C3orf18: variants seen among roughly 807,000 people sequenced by gnomAD.
C3orf18 encodes the protein uncharacterized protein C3orf18.
In C3orf18, 12 loss-of-function variants were observed where a neutral mutation model predicts 14.1. That is an observed-to-expected ratio of 0.85 (90% confidence interval 0.55 to 1.38). C3orf18 has a LOEUF of 1.38. Among genes scored for constraint, C3orf18 ranks in the 40% most tolerant of loss-of-function variants. The probability of loss-of-function intolerance (pLI) is 0.00; values close to 1 mark genes in which losing one functional copy is unlikely to be tolerated. For synonymous variants in C3orf18, 82 were observed against 87.9 expected, an observed-to-expected ratio of 0.93 and a Z score of 0.38; for missense variants, 196 against 213.9, an observed-to-expected ratio of 0.92 and a Z score of 0.52.
chr3:50,559,001 TCCCATCCTAGCTTGG>T lies in C3orf18; in HGVS notation c.*641_*655del, dbSNP rs895070324. 9 of 1,289,398 alleles carry T rather than the reference TCCCATCCTAGCTTGG, an allele frequency of 7.0e-6. No individual in the cohort carries two copies. Among genetic ancestry groups the T allele is most frequent in the Non-Finnish European group, 8.1e-6 (8 of 988,722 alleles). The allele number at this position is 1,289,398 out of a possible 1,614,324, so 79.9% of individuals were successfully genotyped here. A position where few individuals can be genotyped will look rare whatever the true frequency, so the allele number is the denominator to read the frequency against. ...TTCCCCTACTTCCTTCCCCCTCAGCTCCCATCCTAGCTTGGCCCCAGTAACATCTGGTTGCCAAGG... is the reference window on the plus strand; with the variant it reads ...TTCCCCTACTTCCTTCCCCCTCAGCTCCCCAGTAACATCTGGTTGCCAAGG... On this transcript the variant is annotated 3_prime_UTR_variant, in exon 6 of 6. Coordinates refer to ENST00000357203, the MANE Select transcript of C3orf18 (RefSeq NM_016210.5).
At chr3:50,568,725 CAAAAA>C (rs66828816), upstream of C3orf18, among the ~76,000 whole-genome samples, 4 of 84,020 alleles carry the variant, frequency 4.8e-5, no homozygotes, top group African/African-American at 9.0e-5. Flanking sequence ...AACTCCGTCT[CAAAAA>C]AAAAAAAAAA....
upstream of C3orf18, among the ~76,000 whole-genome samples, chr3:50,574,456 A>C (rs981845230): frequency 1.3e-5 from 2 of 152,202 alleles, no homozygotes; most frequent in African/African-American, 4.8e-5. Flanking sequence ...ACCCTCCCCA[A>C]GGTGGCCATC....
chr3:50,560,772 G>T, intron 5 of C3orf18, 145 bp downstream of exon 5: 1 of 931,724 alleles, frequency 1.1e-6, no homozygotes, highest in South Asian at 1.9e-5. Context: ...ACCACTTTCT[G>T]AACAAATCTG....
chr3:50,573,506 T>C (rs1034077627), upstream of C3orf18, among the ~76,000 whole-genome samples: 6 of 152,182 alleles, frequency 3.9e-5, no homozygotes, highest in Non-Finnish European at 7.3e-5. Context: ...GGGTTCTGAG[T>C]ATCAAGTGTG....
At position 50,567,604 on chromosome 3, in the gene C3orf18, A is replaced by C. The variant is rs1282918906; in HGVS notation, c.-393T>G. 5 of 152,194 alleles carry C rather than the reference A, an allele frequency of 3.3e-5. No individual in the cohort carries two copies. The highest frequency in any genetic ancestry group is 9.7e-5 in the African/African-American group (4 of 41,436). The allele number at this position is 152,194 out of a possible 1,614,324, so 9.4% of individuals were successfully genotyped here. On this transcript the variant is annotated 5_prime_UTR_variant, in exon 1 of 6. Coordinates refer to ENST00000357203, the MANE Select transcript of C3orf18 (RefSeq NM_016210.5). Reference sequence around the variant, plus strand: ...AGATCCGCCCTCCCTGCAAGCCCCGAGCCGCTGGCCAGGCCCGCTACTGCG... The same window carrying C: ...AGATCCGCCCTCCCTGCAAGCCCCGCGCCGCTGGCCAGGCCCGCTACTGCG...
At chr3:50,563,474 A>C (rs1700109520) in intron 3 of C3orf18, among the ~76,000 whole-genome samples, 1 of 151,106 alleles carries the variant, frequency 6.6e-6, no homozygotes, top group Non-Finnish European at 1.5e-5. Flanking sequence ...AGCCACCCCC[A>C]CACCTTCCTT....
chr3:50,562,126 C>T (rs1700013049), intron 3 of C3orf18, among the ~76,000 whole-genome samples: 1 of 152,206 alleles, frequency 6.6e-6, no homozygotes, highest in Non-Finnish European at 1.5e-5. Context: ...TCTTGAACTC[C>T]TGACCTTGTG....
At chr3:50,562,529 G>A (rs899311496) in intron 3 of C3orf18, 2 of 454,966 alleles carry the variant, frequency 4.4e-6, no homozygotes, top group Non-Finnish European at 8.8e-6. Flanking sequence ...GCTGAGGCAG[G>A]AGGATCTCTT....
At position 50,558,677 on chromosome 3, in the gene C3orf18, C is replaced by A; in HGVS notation, c.*980G>T. ...CCCAGATCCTCATTAGAGCCCAAGA[C>A]AGGGAGCCGTTTTCAGAAGCAGGTG... On this transcript the variant is annotated 3_prime_UTR_variant, in exon 6 of 6. Coordinates refer to ENST00000357203, the MANE Select transcript of C3orf18 (RefSeq NM_016210.5). The A allele has an allele frequency of 7.8e-7, 1 of 1,282,482 alleles. No individual in the cohort carries two copies. Among genetic ancestry groups the A allele is most frequent in the Non-Finnish European group, 1.0e-6 (1 of 984,320 alleles). 79.4% of individuals were successfully genotyped at this position (1,282,482 alleles called of 1,614,324 possible).
chr3:50,568,454 G>A (rs1224958479), upstream of C3orf18, among the ~76,000 whole-genome samples: 1 of 152,150 alleles, frequency 6.6e-6, no homozygotes, highest in East Asian at 1.9e-4. Flanking sequence ...AAGGCCGGGC[G>A]TGGTGGCTCA....
At position 50,559,028 on chromosome 3, in the gene C3orf18, T is replaced by C. The variant is rs1274299382; in HGVS notation, c.*629A>G. On this transcript the variant is annotated 3_prime_UTR_variant, in exon 6 of 6. Transcript: ENST00000357203. ...CCATCCTAGCTTGGCCCCAGTAACA[T>C]CTGGTTGCCAAGGATGGGTGGCTGG... The C allele has an allele frequency of 8.5e-6, 11 of 1,289,616 alleles. No homozygotes were observed. In the African/African-American group the frequency reaches 1.7e-4, roughly 20 times the overall value. 79.9% of individuals were successfully genotyped at this position (1,289,616 alleles called of 1,614,324 possible).
rs761655435 is a variant in C3orf18 at position 50,560,877 on chromosome 3, G to A, written c.408+40C>T. 5.1e-6 allele frequency: 8 copies of A among 1,575,264 alleles called. No homozygotes were observed. In the East Asian group the frequency reaches 1.8e-4, roughly 36 times the overall value. ...AGGGAGGGTGAGGGTGGAGGACAGA[G>A]GATGCTGCAGGCGGGGTGGGGAGCC... On this transcript the variant is annotated intron_variant, in intron 5 of 5. Transcript: ENST00000357203.
At chr3:50,568,364 T>C (rs1348042008), upstream of C3orf18, among the ~76,000 whole-genome samples, 1 of 152,028 alleles carries the variant, frequency 6.6e-6, no homozygotes, top group African/African-American at 2.4e-5. Context: ...AGTCACCGGG[T>C]AGCCTGGTAC....
intron 3 of C3orf18, among the ~76,000 whole-genome samples, chr3:50,563,199 C>T (rs966679221): frequency 6.6e-6 from 1 of 152,094 alleles, no homozygotes; most frequent in African/African-American, 2.4e-5. Flanking sequence ...CCTCACTCTC[C>T]CCTCCTGTCC....
chr3:50,571,367 G>A, upstream of C3orf18: 1 of 1,458,500 alleles, frequency 6.9e-7, no homozygotes, highest in South Asian at 1.3e-5. Flanking sequence ...ACAGGAAGAG[G>A]GAGGAGGGAG....
upstream of C3orf18, among the ~76,000 whole-genome samples, chr3:50,568,657 C>T (rs1700538694): frequency 7.0e-6 from 1 of 142,474 alleles, no homozygotes; most frequent in African/African-American, 2.7e-5. Context: ...ACCCGGAGGC[C>T]GAGGTTGCAG....
upstream of C3orf18, among the ~76,000 whole-genome samples, chr3:50,574,001 G>T (rs1228751634): frequency 4.6e-5 from 7 of 152,154 alleles, no homozygotes; most frequent in Admixed American, 1.3e-4. Flanking sequence ...CACCTCCCTG[G>T]GTCTGCCCCA....
At chr3:50,574,447 C>A (rs1425566915), upstream of C3orf18, among the ~76,000 whole-genome samples, 1 of 152,190 alleles carries the variant, frequency 6.6e-6, no homozygotes, top group Non-Finnish European at 1.5e-5. Flanking sequence ...TAGCTTCTTA[C>A]CCTCCCCAAG....
chr3:50,569,901 C>T (rs1307975381), upstream of C3orf18: 1 of 152,082 alleles, frequency 6.6e-6, no homozygotes, highest in African/African-American at 2.4e-5. Flanking sequence ...GTGGCATGAC[C>T]GCGGCTCGCT....
Sources: allele counts gnomAD v4.1 joint callset (sites outside exome capture counted in the v4.1 genomes callset), GRCh38; gene constraint gnomAD v4.1.1; transcripts MANE v1.5; gene names NCBI Gene and HGNC (gene_info 2026-07-23, HGNC 2026-07-21).